Variants in C19orf38 observed in about 807,000 individuals in gnomAD.
The protein encoded by C19orf38 is protein HIDE1.
Under a neutral mutation model 26.6 loss-of-function variants are expected in C19orf38, and 14 were observed. The ratio of observed to expected loss-of-function variants is 0.53; its 90% CI spans 0.35 to 0.82. C19orf38 has a LOEUF of 0.82. Ranked by LOEUF, C19orf38 falls within the 40% of genes least tolerant of loss-of-function variation. C19orf38 has a pLI of 0.01. For missense variants in C19orf38, 261 were observed against 299.5 expected (o/e 0.87, Z 0.95); for synonymous variants, 132 against 128.5 (o/e 1.03, Z -0.18).
Position 10,856,249 on chromosome 19 carries a change from T to C in C19orf38, c.341-16T>C. 1 of 1,547,002 alleles carries C rather than the reference T, an allele frequency of 6.5e-7. No individual in the cohort carries two copies. Among genetic ancestry groups the C allele is most frequent in the East Asian group, 2.5e-5 (1 of 40,816 alleles). On this transcript the variant is annotated splice_polypyrimidine_tract_variant and intron_variant, in intron 2 of 6. Coordinates refer to ENST00000397820, the MANE Select transcript of C19orf38 (RefSeq NM_001136482.3). ...CGACACTGACCTGCCCACTCTCTTT[T>C]CTGATTTTCCTCCAGTGCCCACTTG...
At chr19:10,840,200 C>T (rs1384423520) in intron 1 of C19orf38, among the ~76,000 whole-genome samples, 1 of 152,150 alleles carries the variant, frequency 6.6e-6, no homozygotes, top group Non-Finnish European at 1.5e-5. Context: ...CTATGTTTAA[C>T]TTTTTGAGGA....
chr19:10,847,085 C>T (rs1292698382), upstream of C19orf38, among the ~76,000 whole-genome samples: 4 of 152,102 alleles, frequency 2.6e-5, no homozygotes, highest in Non-Finnish European at 4.4e-5. Context: ...GTCCAAACCC[C>T]CAAGCAAACC....
chr19:10,848,591 T>C (rs538586700), intron 1 of C19orf38, 52 bp downstream of exon 1: 2 of 1,272,448 alleles, frequency 1.6e-6, no homozygotes, highest in South Asian at 1.3e-5. Context: ...CCCCATCCTC[T>C]GTCCACCTTG....
chr19:10,848,764 A>C (rs2073540233), intron 1 of C19orf38, among the ~76,000 whole-genome samples: 1 of 152,028 alleles, frequency 6.6e-6, no homozygotes, highest in East Asian at 1.9e-4. Context: ...TGAATATCAG[A>C]AATATCACCC....
At chr19:10,837,593 G>A (rs977403663) in intron 1 of C19orf38, among the ~76,000 whole-genome samples, 46 of 128,218 alleles carry the variant, frequency 3.6e-4, no homozygotes, top group Admixed American at 3.0e-3. Flanking sequence ...TGCAACCTCC[G>A]TCTCCTGGGG....
intron 3 of C19orf38, among the ~76,000 whole-genome samples, chr19:10,857,392 G>C (rs1163616835): frequency 4.5e-5 from 4 of 89,480 alleles, no homozygotes; most frequent in African/African-American, 2.6e-4. Context: ...TTTTAAGATG[G>C]AGTCTTGCCC....
intron 4 of C19orf38, 80 bp downstream of exon 4, chr19:10,858,423 C>A (rs1310653246): frequency 7.4e-6 from 10 of 1,346,438 alleles, no homozygotes; most frequent in Non-Finnish European, 1.0e-5. Context: ...CACTCCATGC[C>A]CCCCACAAAC....
At chr19:10,863,066 C>T in intron 5 of C19orf38, 104 bp from the exon 6 acceptor site, 1 of 1,205,406 alleles carries the variant, frequency 8.3e-7, no homozygotes, top group Non-Finnish European at 1.2e-6. Flanking sequence ...GGAGATGGAC[C>T]CCAATTGCTT....
intron 3 of C19orf38, among the ~76,000 whole-genome samples, chr19:10,857,894 A>AAAAAG (rs2073646226): frequency 7.0e-6 from 1 of 142,404 alleles, no homozygotes; most frequent in Non-Finnish European, 1.5e-5. Context: ...AAACAACAAA[A>AAAAAG]AAAGAAAGAA....
intron 2 of C19orf38, among the ~76,000 whole-genome samples, chr19:10,852,584 CAT>C (rs573909616): frequency 5.3e-4 from 80 of 152,242 alleles, no homozygotes; most frequent in African/African-American, 1.6e-3. Context: ...AGGAGCCAAT[CAT>C]GTGGATATCC....
intron 6 of C19orf38, among the ~76,000 whole-genome samples, chr19:10,863,989 A>G (rs529727794): frequency 7.4e-4 from 113 of 152,306 alleles, no homozygotes; most frequent in Non-Finnish European, 7.1e-4. Context: ...AGAGAGTCCC[A>G]TAGACCCAGG....
At chr19:10,861,716 T>G (rs1313134590) in intron 5 of C19orf38, among the ~76,000 whole-genome samples, 2 of 152,004 alleles carry the variant, frequency 1.3e-5, no homozygotes, top group African/African-American at 4.8e-5. Flanking sequence ...TAGCTGGGAT[T>G]ACAGGCACGT....
chr19:10,864,051 A>G (rs1296731294), intron 6 of C19orf38, among the ~76,000 whole-genome samples: 1 of 152,108 alleles, frequency 6.6e-6, no homozygotes, highest in Non-Finnish European at 1.5e-5. Context: ...TATCCCCCAA[A>G]AGCAGAGGGA....
rs559186126 is a variant in C19orf38, at chr19:10,849,266, C to T, written c.31+727C>T. Among the ~76,000 whole-genome samples, 4 of 152,268 alleles carry T rather than the reference C, an allele frequency of 2.6e-5. No homozygotes were observed. In the East Asian group the frequency reaches 7.7e-4, roughly 29 times the overall value. ...AAATTCCTGGGCTCAAGCAGTCCTC[C>T]CACCTTGGCCTCCCAAAGTGCTGGG... On this transcript the variant is annotated intron_variant, in intron 1 of 6. Transcript: ENST00000397820.
chr19:10,866,743 C>T (rs1424716355), intron 6 of C19orf38, among the ~76,000 whole-genome samples: 3 of 151,080 alleles, frequency 2.0e-5, no homozygotes, highest in South Asian at 4.2e-4. Context: ...GGGGTTGAAG[C>T]GATTCTCCCA....
At chr19:10,856,407 G>T (rs1161952303) in intron 3 of C19orf38, 50 bp downstream of exon 3, 1 of 1,454,688 alleles carries the variant, frequency 6.9e-7, no homozygotes. Flanking sequence ...ACAACTTCTG[G>T]AACGTGAAGA....
At chr19:10,858,150 T>C (rs1599666924) in intron 3 of C19orf38, among the ~76,000 whole-genome samples, 166 bp from the exon 4 acceptor site, 1 of 125,132 alleles carries the variant, frequency 8.0e-6, no homozygotes, top group African/African-American at 3.1e-5. Flanking sequence ...ATTGCTTAAA[T>C]CCAGGAGGCA....
intron 2 of C19orf38, among the ~76,000 whole-genome samples, chr19:10,851,173 C>T (rs932654879): frequency 2.0e-5 from 3 of 152,174 alleles, no homozygotes; most frequent in Non-Finnish European, 4.4e-5. Context: ...TCTGCCTCAG[C>T]CTCCTGAGTA....
intron 6 of C19orf38, among the ~76,000 whole-genome samples, chr19:10,864,724 C>T (rs377305760): frequency 2.0e-5 from 3 of 152,042 alleles, no homozygotes; most frequent in Admixed American, 1.3e-4. Flanking sequence ...CAGTGGAGTT[C>T]GAAGAAGTGA....
Sources: gnomAD v4.1 joint callset for allele counts (sites outside exome capture counted in the v4.1 genomes callset) on GRCh38, gnomAD v4.1.1 for gene constraint, MANE v1.5 for transcripts, NCBI Gene and HGNC (gene_info 2026-07-23, HGNC 2026-07-21) for gene names.